CLEC19A: variants seen among roughly 807,000 people sequenced by gnomAD.
CLEC19A encodes C-type lectin domain containing 19A, also known as C-type lectin domain family 19 member A.
In CLEC19A, 21 loss-of-function variants were observed where a neutral mutation model predicts 26.1. The observed-to-expected ratio is 0.80, with a 90% CI of 0.57 to 1.16. CLEC19A has a LOEUF of 1.16. CLEC19A is among the 50% of genes most tolerant of loss of function. The pLI, the probability that CLEC19A is intolerant of heterozygous loss-of-function variation, is 0.00. For synonymous variants in CLEC19A, 89 were observed against 88.6 expected, an observed-to-expected ratio of 1.00 and a Z score of -0.03; for missense variants, 224 against 227.6, an observed-to-expected ratio of 0.98 and a Z score of 0.10.
chr16:19,289,913 C>T (rs183504102), intron 1 of CLEC19A, among the ~76,000 whole-genome samples: 3 of 152,160 alleles, frequency 2.0e-5, no homozygotes, highest in African/African-American at 7.2e-5. Context: ...GTCTGTGAGA[C>T]ACTTTCTTCC....
Position 19,285,921 on chromosome 16 carries a change from G to C in CLEC19A, c.70G>C (p.Asp24His). The C allele has an allele frequency of 6.4e-7, 1 of 1,550,574 alleles. No homozygotes were observed. Among genetic ancestry groups the C allele is most frequent in the Non-Finnish European group, 8.7e-7 (1 of 1,146,986 alleles). The change falls in exon 1 of 5, where the codon GAC becomes CAC. Residue 24 changes from aspartate (D) to histidine (H), a missense_variant. Asp to His is a moderately conservative substitution (Grantham distance 81). Transcript: ENST00000636231. ...LHSAQAFPQT[D>H]ISISPALPEL... ...CTCTGCACAGGCCTTTCCACAAACA[G>C]ACATCAGTATCAGTCCAGGTAAGTG...
Position 19,285,919 on chromosome 16 carries a change from C to G in CLEC19A, c.68C>G (p.Thr23Arg), listed in dbSNP as rs1897454819. The change falls in exon 1 of 5, where the codon ACA (threonine) becomes AGA (arginine). Residue 23 changes from threonine (T) to arginine (R), a missense_variant. Coordinates refer to ENST00000636231, the MANE Select transcript of CLEC19A (RefSeq NM_001256720.2). ...TLHSAQAFPQTDISISPALPE... is the reference protein window; with the variant it reads ...TLHSAQAFPQRDISISPALPE... ...CACTCTGCACAGGCCTTTCCACAAA[C>G]AGACATCAGTATCAGTCCAGGTAAG... 1.9e-6 allele frequency: 3 copies of G among 1,550,576 alleles called. No homozygotes were observed. Among genetic ancestry groups the G allele is most frequent in the South Asian group, 2.4e-5 (2 of 84,054 alleles).
Position 19,310,382 on chromosome 16 carries a change from G to T in CLEC19A, c.*1299G>T. 6.6e-6 allele frequency: 1 copy of T among 152,494 alleles called. No individual in the cohort carries two copies. The highest frequency in any genetic ancestry group is 2.0e-4 in the South Asian group (1 of 5,074). The allele number at this position is 152,494 out of a possible 1,614,324, so 9.4% of individuals were successfully genotyped here. A position where few individuals can be genotyped will look rare whatever the true frequency, so the allele number is the denominator to read the frequency against. ...GCTGTTTGGGAGGCTGAGATGGGAG[G>T]ATCACTTGAGCCCAGGATATCAAGG... On this transcript the variant is annotated 3_prime_UTR_variant, in exon 5 of 5. Coordinates refer to ENST00000636231, the MANE Select transcript of CLEC19A (RefSeq NM_001256720.2).
At chr16:19,301,745 T>TG (rs1897832966) in intron 2 of CLEC19A, among the ~76,000 whole-genome samples, 1 of 118,766 alleles carries the variant, frequency 8.4e-6, no homozygotes, top group South Asian at 2.8e-4. Flanking sequence ...GGTTTTTTTT[T>TG]TTTTTTTTTT....
chr16:19,300,470 C>T (rs1172009170), intron 2 of CLEC19A, among the ~76,000 whole-genome samples: 1 of 151,486 alleles, frequency 6.6e-6, no homozygotes, highest in Admixed American at 6.6e-5. Flanking sequence ...ATCACTTGAG[C>T]CCGAGAGGTT....
intron 1 of CLEC19A, among the ~76,000 whole-genome samples, chr16:19,291,552 G>T (rs1220838312): frequency 6.6e-6 from 1 of 152,194 alleles, no homozygotes; most frequent in Non-Finnish European, 1.5e-5. Flanking sequence ...ACAATGCCTG[G>T]CACACAGTGA....
At position 19,310,716 on chromosome 16, in the gene CLEC19A, G is replaced by C. The variant is rs1055842119; in HGVS notation, c.*1633G>C. 6.6e-6 allele frequency: 1 copy of C among 152,188 alleles called. No individual in the cohort carries two copies. Among genetic ancestry groups the C allele is most frequent in the Non-Finnish European group, 1.5e-5 (1 of 68,036 alleles). The allele number at this position is 152,188 out of a possible 1,614,324, so 9.4% of individuals were successfully genotyped here. A position where few individuals can be genotyped will look rare whatever the true frequency, so the allele number is the denominator to read the frequency against. Reference sequence around the variant, plus strand: ...ACATGTTGTATGATTCCATATATATGAAATATCCAGAATAGGCAAGTCTAT... The same window carrying C: ...ACATGTTGTATGATTCCATATATATCAAATATCCAGAATAGGCAAGTCTAT... On this transcript the variant is annotated 3_prime_UTR_variant, in exon 5 of 5. Transcript: ENST00000636231.
chr16:19,296,408 G>T (rs1897706036), intron 1 of CLEC19A, among the ~76,000 whole-genome samples: 1 of 151,942 alleles, frequency 6.6e-6, no homozygotes, highest in Non-Finnish European at 1.5e-5. Flanking sequence ...CCATAGTTTT[G>T]GTTATAAAAC....
intron 1 of CLEC19A, 120 bp from the exon 2 acceptor site, chr16:19,298,553 G>T: frequency 9.4e-7 from 1 of 1,063,674 alleles, no homozygotes; most frequent in Non-Finnish European, 1.3e-6. Flanking sequence ...GCAACAGAAC[G>T]AGACCCTGTC....
chr16:19,304,307 C>T (rs1897902870), intron 3 of CLEC19A, 152 bp downstream of exon 3: 2 of 623,044 alleles, frequency 3.2e-6, no homozygotes, highest in Non-Finnish European at 5.8e-6. Context: ...TACAGCATGA[C>T]CAATTTGTGA....
chr16:19,292,610 C>G (rs2143008954), intron 1 of CLEC19A, among the ~76,000 whole-genome samples: 2 of 152,308 alleles, frequency 1.3e-5, no homozygotes, highest in Admixed American at 1.3e-4. Context: ...GGAATGATCA[C>G]AACAGATGCT....
chr16:19,306,723 A>G (rs954456994), intron 3 of CLEC19A, among the ~76,000 whole-genome samples: 7 of 151,720 alleles, frequency 4.6e-5, no homozygotes, highest in African/African-American at 1.7e-4. Context: ...ACAACTCTCT[A>G]AAGGACACAT....
At chr16:19,301,827 G>A (rs570938601) in intron 2 of CLEC19A, among the ~76,000 whole-genome samples, 98 of 136,346 alleles carry the variant, frequency 7.2e-4, no homozygotes, top group African/African-American at 2.4e-3. Context: ...TCTTGACCTC[G>A]TGATCTGCCT....
chr16:19,285,785 C>T lies in CLEC19A; in HGVS notation c.-67C>T. The T allele has an allele frequency of 7.1e-7, 1 of 1,415,270 alleles. No homozygotes were observed. Among genetic ancestry groups the T allele is most frequent in the South Asian group, 1.2e-5 (1 of 81,340 alleles). 87.7% of individuals were successfully genotyped at this position (1,415,270 alleles called of 1,614,324 possible). A position where few individuals can be genotyped will look rare whatever the true frequency, so the allele number is the denominator to read the frequency against. ...CTGACCCTAGGAGAGCAATCCTGGA[C>T]CCAAGCTCCAGCCAAAAAGCCTCTC... On this transcript the variant is annotated 5_prime_UTR_variant, in exon 1 of 5. Coordinates refer to ENST00000636231, the MANE Select transcript of CLEC19A (RefSeq NM_001256720.2).
chr16:19,290,443 C>T (rs1473762986), intron 1 of CLEC19A, among the ~76,000 whole-genome samples: 1 of 152,044 alleles, frequency 6.6e-6, no homozygotes, highest in Admixed American at 6.6e-5. Context: ...TCCATTCTCT[C>T]TCACACCTCC....
At position 19,298,686 on chromosome 16, in the gene CLEC19A, GC is replaced by G; in HGVS notation, c.106del (p.Leu36CysfsTer61). The G allele has an allele frequency of 6.4e-7, 1 of 1,551,032 alleles. No individual in the cohort carries two copies. ...ISISPALPEL[P>X]LPSLCPLFWM... ...TTCTGCCCCCAGCCCTGCCAGAGCTGCCCCTGCCTTCCCTGTGCCCCCTGTT... is the reference window on the plus strand; with the variant it reads ...TTCTGCCCCCAGCCCTGCCAGAGCTGCCCTGCCTTCCCTGTGCCCCCTGTT... On this transcript the variant is annotated frameshift_variant, in exon 2 of 5. Transcript: ENST00000636231. LOFTEE classifies it high-confidence loss of function.
intron 1 of CLEC19A, among the ~76,000 whole-genome samples, chr16:19,287,611 G>A (rs1897500431): frequency 6.6e-6 from 1 of 152,192 alleles, no homozygotes; most frequent in Admixed American, 6.5e-5. Context: ...CCAAGATCTT[G>A]CCTTTCTGCC....
chr16:19,291,556 A>C (rs1487435061), intron 1 of CLEC19A, among the ~76,000 whole-genome samples: 1 of 152,222 alleles, frequency 6.6e-6, no homozygotes, highest in Non-Finnish European at 1.5e-5. Flanking sequence ...TGCCTGGCAC[A>C]CAGTGAATGC....
intron 1 of CLEC19A, among the ~76,000 whole-genome samples, chr16:19,296,956 G>T (rs1446995431): frequency 6.6e-6 from 1 of 152,080 alleles, no homozygotes; most frequent in Non-Finnish European, 1.5e-5. Context: ...TAGGACCCAG[G>T]CTCTCAACCC....
Sources: gnomAD v4.1 joint callset for allele counts (sites outside exome capture counted in the v4.1 genomes callset) on GRCh38, gnomAD v4.1.1 for gene constraint, MANE v1.5 for transcripts, NCBI Gene and HGNC (gene_info 2026-07-23, HGNC 2026-07-21) for gene names.